RELN: variants seen among roughly 807,000 people sequenced by gnomAD.
The protein encoded by RELN is reelin.
Under a neutral mutation model 427.6 loss-of-function variants are expected in RELN, and 108 were observed. The ratio of observed to expected loss-of-function variants is 0.25; its 90% CI spans 0.22 to 0.30. The LOEUF (loss-of-function observed/expected upper bound fraction) is 0.30. Among genes scored for constraint, RELN ranks in the 10% least tolerant of loss-of-function variants. The pLI is 1.00. For synonymous variants in RELN, 1,524 were observed against 1,513.4 expected, an observed-to-expected ratio of 1.01 and a Z score of -0.16; for missense variants, 3,715 against 4,302.8, an observed-to-expected ratio of 0.86 and a Z score of 3.82.
At chr7:103,974,079 G>T (rs1487091128) in intron 1 of RELN, among the ~76,000 whole-genome samples, 1 of 152,202 alleles carries the variant, frequency 6.6e-6, no homozygotes, top group African/African-American at 2.4e-5. Flanking sequence ...AAAGGTGGAG[G>T]TTGAGGTGAG....
intron 2 of RELN, among the ~76,000 whole-genome samples, chr7:103,910,875 C>T (rs1270345969): frequency 2.2e-5 from 3 of 133,376 alleles, no homozygotes; most frequent in East Asian, 2.3e-4. Context: ...AAGATTTAAA[C>T]GTTAGACCTA....
chr7:103,756,423 C>G (rs1193903173), intron 4 of RELN, among the ~76,000 whole-genome samples: 1 of 152,074 alleles, frequency 6.6e-6, no homozygotes. Flanking sequence ...CTGAACTGTT[C>G]TCTGTGTTAA....
At chr7:103,751,113 T>C (rs1174484723) in intron 5 of RELN, among the ~76,000 whole-genome samples, 2 of 152,244 alleles carry the variant, frequency 1.3e-5, no homozygotes, top group Admixed American at 6.5e-5. Flanking sequence ...ATCTGATTCA[T>C]GGTTTGCTTA....
chr7:103,619,241 G>A (rs1055286115), intron 20 of RELN, among the ~76,000 whole-genome samples: 2 of 152,206 alleles, frequency 1.3e-5, no homozygotes, highest in African/African-American at 4.8e-5. Flanking sequence ...TGGGGGGAAT[G>A]TGTCCACTGT....
Position 103,651,737 on chromosome 7 carries a change from T to G in RELN, c.1816A>C (p.Thr606Pro). 6.2e-7 allele frequency: 1 copy of G among 1,611,834 alleles called. No individual in the cohort carries two copies. The change falls in exon 15 of 65, where the codon ACT (threonine) becomes CCT (proline). Residue 606 changes from threonine to proline, a missense_variant. Thr to Pro is a conservative substitution (Grantham distance 38). Transcript: ENST00000428762. ...NHGRSWSLLHTECLPEICAGP... is the reference protein window; with the variant it reads ...NHGRSWSLLHPECLPEICAGP... ...GCACAGATCTCAGGTAAGCATTCAG[T>G]GTGAAGGAGGGACCAGGAGCGCCCA...
intron 61 of RELN, 144 bp downstream of exon 61, chr7:103,486,053 C>T: frequency 2.6e-6 from 2 of 765,940 alleles, no homozygotes; most frequent in Non-Finnish European, 4.6e-6. Flanking sequence ...ATATATGCTT[C>T]CTTGTCCCAA....
chr7:103,685,884 T>C (rs1833755454), intron 10 of RELN, among the ~76,000 whole-genome samples: 1 of 152,146 alleles, frequency 6.6e-6, no homozygotes, highest in African/African-American at 2.4e-5. Flanking sequence ...TTCTTCAATA[T>C]AACAAGTCCT....
chr7:103,652,053 T>C (rs1832927984), intron 14 of RELN, among the ~76,000 whole-genome samples: 1 of 152,036 alleles, frequency 6.6e-6, no homozygotes, highest in Non-Finnish European at 1.5e-5. Flanking sequence ...TTGAGTTTGA[T>C]AGGTGGCAAG....
intron 1 of RELN, among the ~76,000 whole-genome samples, chr7:103,948,670 T>C (rs1416422102): frequency 1.3e-5 from 2 of 152,036 alleles, no homozygotes; most frequent in African/African-American, 4.8e-5. Context: ...GGACTCCATC[T>C]CAAATAATAA....
In RELN at chr7:103,879,464, A is replaced by G. The variant is rs183196721; in HGVS notation, c.337+37611T>C. On this transcript the variant is annotated intron_variant, in intron 2 of 64. Transcript: ENST00000428762. ...TTGGATTGCCTACCACAGTGAGGGA[A>G]CCAAACCACACTTTCATATTCCACT... Among the ~76,000 whole-genome samples, 11 of 152,306 alleles carry G rather than the reference A, an allele frequency of 7.2e-5. No individual in the cohort carries two copies. The East Asian group carries it at 2.1e-3, about 29-fold the overall frequency.
chr7:103,869,815 A>G (rs1275426500), intron 2 of RELN, among the ~76,000 whole-genome samples: 2 of 152,176 alleles, frequency 1.3e-5, no homozygotes, highest in African/African-American at 2.4e-5. Flanking sequence ...ATTTTTAACC[A>G]TTAGTTTTTC....
At chr7:103,588,361 A>G (rs1831327466) in intron 28 of RELN, among the ~76,000 whole-genome samples, 1 of 152,136 alleles carries the variant, frequency 6.6e-6, no homozygotes, top group South Asian at 2.1e-4. Flanking sequence ...GAGACTGGAA[A>G]GACAGATAAC....
chr7:103,674,560 C>T (rs1000549104), intron 11 of RELN, among the ~76,000 whole-genome samples: 4 of 152,208 alleles, frequency 2.6e-5, no homozygotes, highest in East Asian at 3.9e-4. Flanking sequence ...GGGCACAGTG[C>T]CCTGCTTCTC....
At chr7:103,518,952 C>T (rs1459702759) in intron 49 of RELN, among the ~76,000 whole-genome samples, 2 of 151,956 alleles carry the variant, frequency 1.3e-5, no homozygotes, top group Non-Finnish European at 2.9e-5. Context: ...CTTTGCTTTC[C>T]AGTCCAAAAT....
chr7:103,895,243 T>C (rs573597004), intron 2 of RELN, among the ~76,000 whole-genome samples: 1 of 152,188 alleles, frequency 6.6e-6, no homozygotes, highest in African/African-American at 2.4e-5. Flanking sequence ...TCTGGGCAAA[T>C]TGTGTTTGAT....
intron 1 of RELN, among the ~76,000 whole-genome samples, chr7:103,925,786 A>G (rs1795717943): frequency 6.6e-6 from 1 of 152,182 alleles, no homozygotes; most frequent in Non-Finnish European, 1.5e-5. Context: ...TGAGGCATGG[A>G]TAATTTTCTA....
In RELN at chr7:103,700,902, C is replaced by T. The variant is rs1834076098; in HGVS notation, c.902+8G>A. ...GAATTTATGAAAATACTTTAAATTA[C>T]AACAAACCTAATTTTCTCTAGCTGA... On this transcript the variant is annotated splice_region_variant and intron_variant, in intron 9 of 64. Transcript: ENST00000428762. The T allele has an allele frequency of 1.3e-6, 2 of 1,541,016 alleles. No individual in the cohort carries two copies. Among genetic ancestry groups the T allele is most frequent in the Non-Finnish European group, 1.8e-6 (2 of 1,113,880 alleles).
chr7:103,656,753 T>C (rs1394019618), intron 12 of RELN, among the ~76,000 whole-genome samples: 2 of 152,108 alleles, frequency 1.3e-5, no homozygotes, highest in African/African-American at 4.8e-5. Context: ...GGAGCCAGAC[T>C]CCTTCAGTAT....
chr7:103,676,712 A>G (rs1833533570), intron 11 of RELN, among the ~76,000 whole-genome samples: 1 of 152,214 alleles, frequency 6.6e-6, no homozygotes, highest in Non-Finnish European at 1.5e-5. Flanking sequence ...TGCAGCCACA[A>G]AAAATGATGA....
Sources: gnomAD v4.1 joint callset for allele counts (sites outside exome capture counted in the v4.1 genomes callset) on GRCh38, gnomAD v4.1.1 for gene constraint, MANE v1.5 for transcripts, NCBI Gene and HGNC (gene_info 2026-07-23, HGNC 2026-07-21) for gene names.